The following ZNF765 variants were observed in gnomAD, a reference collection of about 807,000 sequenced individuals.
ZNF765 encodes the protein zinc finger protein 765.
Under a neutral mutation model 44.7 loss-of-function variants are expected in ZNF765, and 37 were observed. That is an observed-to-expected ratio of 0.83 (90% CI 0.64 to 1.09). ZNF765 has a LOEUF of 1.09. ZNF765 is among the 50% of genes least tolerant of loss of function. The pLI is 0.00. For synonymous variants in ZNF765, 201 were observed against 213.7 expected, an observed-to-expected ratio of 0.94 and a Z score of 0.52; for missense variants, 594 against 626.1, an observed-to-expected ratio of 0.95 and a Z score of 0.55.
At position 53,408,826 on chromosome 19, in the gene ZNF765, T is replaced by A; in HGVS notation, c.1271T>A (p.Leu424Ter). The change falls in exon 4 of 4, where the codon TTA (leucine) becomes TAA (stop). Residue 424 changes from leucine (L) to a stop codon, truncating the protein, a stop_gained. Coordinates refer to ENST00000396408, the MANE Select transcript of ZNF765 (RefSeq NM_001040185.3). LOFTEE classifies it high-confidence loss of function. ...TGTGGCAAGACCTTCAATCAGCAGTTAACCCTTAACATTTGTAGACTTCAT... is the reference window on the plus strand; with the variant it reads ...TGTGGCAAGACCTTCAATCAGCAGTAAACCCTTAACATTTGTAGACTTCAT... ...NECGKTFNQQLTLNICRLHSG... is the reference protein window; with the variant it reads ...NECGKTFNQQ 1 of 1,613,114 alleles carries A rather than the reference T, an allele frequency of 6.2e-7. No individual in the cohort carries two copies. The highest frequency in any genetic ancestry group is 8.5e-7 in the Non-Finnish European group (1 of 1,179,756).
Position 53,410,728 on chromosome 19 carries a change from C to T in ZNF765, c.*1601C>T, listed in dbSNP as rs767763234. 9.4e-6 allele frequency: 4 copies of T among 425,096 alleles called. No homozygotes were observed. Among genetic ancestry groups the T allele is most frequent in the Middle Eastern group, 3.7e-4 (1 of 2,718 alleles). 26.3% of individuals were successfully genotyped at this position (425,096 alleles called of 1,614,324 possible). A position where few individuals can be genotyped will look rare whatever the true frequency, so the allele number is the denominator to read the frequency against. On this transcript the variant is annotated 3_prime_UTR_variant, in exon 4 of 4. Coordinates refer to ENST00000396408, the MANE Select transcript of ZNF765 (RefSeq NM_001040185.3). ...ACATTGTTCATAACTTGCAGTTCAT[C>T]GGCGAACTCGTACTGGAGAGAAACC...
At chr19:53,416,963 G>A (rs992493357), downstream of ZNF765, among the ~76,000 whole-genome samples, 7 of 151,808 alleles carry the variant, frequency 4.6e-5, no homozygotes, top group Admixed American at 2.0e-4. Flanking sequence ...GATTACAGGC[G>A]CGCACCACCA....
intron 1 of ZNF765, among the ~76,000 whole-genome samples, chr19:53,397,091 G>T (rs1414316245): frequency 6.6e-6 from 1 of 152,202 alleles, no homozygotes; most frequent in African/African-American, 2.4e-5. Context: ...GAGGGACTCG[G>T]GAGTCTACTT....
chr19:53,409,784 A>C lies in ZNF765; in HGVS notation c.*657A>C, dbSNP rs2085816573. On this transcript the variant is annotated 3_prime_UTR_variant, in exon 4 of 4. Transcript: ENST00000396408. The stretch of plus-strand genomic sequence containing the variant: ...ACTTCATACTGGAGAGATACCTTAA[A>C]AGTGTAGTGAGTGTGGCAAGACCTT... 1.3e-6 allele frequency: 1 copy of C among 799,494 alleles called. No individual in the cohort carries two copies. Among genetic ancestry groups the C allele is most frequent in the Non-Finnish European group, 2.2e-6 (1 of 456,140 alleles). 49.5% of individuals were successfully genotyped at this position (799,494 alleles called of 1,614,324 possible).
At chr19:53,417,136 A>T (rs570923572) in intron 3 of ZNF765, among the ~76,000 whole-genome samples, 1 of 152,090 alleles carries the variant, frequency 6.6e-6, no homozygotes, top group Non-Finnish European at 1.5e-5. Flanking sequence ...TTCATTTTTA[A>T]AAGACTTTTA....
rs772634258 is a variant in ZNF765 at position 53,423,164 on chromosome 19, G to T, written c.*62G>T. The T allele has an allele frequency of 7.1e-6, 5 of 699,922 alleles. No homozygotes were observed. The South Asian group carries it at 7.5e-5, about 10-fold the overall frequency. The allele number at this position is 699,922 out of a possible 1,614,324, so 43.4% of individuals were successfully genotyped here. A position where few individuals can be genotyped will look rare whatever the true frequency, so the allele number is the denominator to read the frequency against. On this transcript the variant is annotated 3_prime_UTR_variant, in exon 4 of 4. Coordinates refer to the ZNF765 transcript ENST00000594030. ...CAGGTGGGCAGAGCTTAAAGGGAAC[G>T]CCCCCAAGCACGCTGGCTCCTGTGT...
rs775228107 is a variant in ZNF765 at position 53,408,448 on chromosome 19, C to T, written c.893C>T (p.Pro298Leu). 1.2e-6 allele frequency: 2 copies of T among 1,613,536 alleles called. No homozygotes were observed. Among genetic ancestry groups the T allele is most frequent in the East Asian group, 2.2e-5 (1 of 44,852 alleles). The part of the protein sequence containing the change: ...CHRRLHTGEK[P>L]YKCEECDKAF... ...CGTAGACTTCATACTGGAGAGAAAC[C>T]TTACAAATGTGAAGAATGTGACAAA... is the stretch of plus-strand genomic sequence containing the variant. The change falls in exon 4 of 4, where the codon CCT (proline) becomes CTT (leucine). Residue 298 changes from proline (P) to leucine (L), a missense_variant. By Grantham distance (98) the Pro-to-Leu change is moderately conservative. Around this residue, in one of 2 missense-constraint regions of ZNF765, gnomAD observed 567 missense variants for 572.6 expected, o/e 0.99. Coordinates refer to ENST00000396408, the MANE Select transcript of ZNF765 (RefSeq NM_001040185.3).
chr19:53,401,105 A>G (rs890914502), intron 2 of ZNF765, among the ~76,000 whole-genome samples: 3 of 151,946 alleles, frequency 2.0e-5, no homozygotes, highest in Non-Finnish European at 2.9e-5. Context: ...GGATCAAGCA[A>G]TTCTCCTGCA....
chr19:53,401,953 T>C (rs1401580469), intron 2 of ZNF765, 112 bp from the exon 3 acceptor site: 16 of 1,609,756 alleles, frequency 9.9e-6, no homozygotes, highest in East Asian at 2.2e-5. Context: ...TCAGATTTGT[T>C]AGAACATTCA....
chr19:53,396,288 G>C (rs7250077), intron 1 of ZNF765, among the ~76,000 whole-genome samples: 4 of 151,876 alleles, frequency 2.6e-5, no homozygotes, highest in Admixed American at 6.6e-5. Flanking sequence ...AGGGAGAGCA[G>C]AGGAGGCGCA....
intron 2 of ZNF765, among the ~76,000 whole-genome samples, chr19:53,399,989 A>AT (rs1166388845): frequency 6.6e-6 from 1 of 151,884 alleles, no homozygotes; most frequent in African/African-American, 2.4e-5. Context: ...TAATTTTTGT[A>AT]TTTTTAGTAG....
chr19:53,411,960 GAAGATC>G lies in ZNF765; in HGVS notation c.*2835_*2840del, dbSNP rs1568784163. The G allele has an allele frequency of 2.5e-5, 4 of 161,206 alleles. No individual in the cohort carries two copies. In the South Asian group the frequency reaches 6.2e-4, roughly 25 times the overall value. The allele number at this position is 161,206 out of a possible 1,614,324, so 10.0% of individuals were successfully genotyped here. A position where few individuals can be genotyped will look rare whatever the true frequency, so the allele number is the denominator to read the frequency against. On this transcript the variant is annotated 3_prime_UTR_variant, in exon 4 of 4. Coordinates refer to ENST00000396408, the MANE Select transcript of ZNF765 (RefSeq NM_001040185.3). ...TTGACTCTTTGTGATTTTCTGCACA[GAAGATC>G]ATGTCGTCTACAAACAAATATAATT...
chr19:53,408,053 G>T lies in ZNF765; in HGVS notation c.498G>T (p.Lys166Asn). Reference sequence around the variant, plus strand: ...AGAAAATTGATAATCAAGTTGTGAAGTCTATCCACGATGCTTCCTTGGTTT... The same window carrying T: ...AGAAAATTGATAATCAAGTTGTGAATTCTATCCACGATGCTTCCTTGGTTT... ...TEEKIDNQVV[K>N]SIHDASLVST... Residue 166 changes from lysine to asparagine, a missense_variant, in exon 4 of 4, where the codon AAG (lysine) becomes AAT (asparagine). Physicochemically the swap from Lys to Asn is moderately conservative, Grantham distance 94. This residue lies in a region of ZNF765 where 567 missense variants were observed against 572.6 expected (regional missense o/e 0.99). Transcript: ENST00000396408. 1 of 1,614,182 alleles carries T rather than the reference G, an allele frequency of 6.2e-7. No homozygotes were observed. Among genetic ancestry groups the T allele is most frequent in the African/African-American group, 1.3e-5 (1 of 75,042 alleles).
Position 53,397,953 on chromosome 19 carries a change from T to C in ZNF765, c.-63T>C. 1 of 1,608,308 alleles carries C rather than the reference T, an allele frequency of 6.2e-7. No homozygotes were observed. The highest frequency in any genetic ancestry group is 8.5e-7 in the Non-Finnish European group (1 of 1,178,760). ...ATTTCTAACATTCAGGATTGACTTC[T>C]AAAGACTCTTGGTATGTGAGGAAGA... On this transcript the variant is annotated 5_prime_UTR_variant, in exon 2 of 4. Coordinates refer to ENST00000396408, the MANE Select transcript of ZNF765 (RefSeq NM_001040185.3).
At chr19:53,406,960 C>A (rs1250983418) in intron 3 of ZNF765, among the ~76,000 whole-genome samples, 4 of 152,062 alleles carry the variant, frequency 2.6e-5, no homozygotes, top group African/African-American at 9.6e-5. Flanking sequence ...TCAAAATGTG[C>A]CTTTTCTGCA....
intron 3 of ZNF765, among the ~76,000 whole-genome samples, chr19:53,421,006 A>G (rs564857175): frequency 6.6e-6 from 1 of 152,284 alleles, no homozygotes; most frequent in Admixed American, 6.5e-5. Context: ...GATAAGAGGA[A>G]GGCATCTGTC....
intron 3 of ZNF765, among the ~76,000 whole-genome samples, chr19:53,417,468 T>C (rs2085882214): frequency 6.6e-6 from 1 of 152,214 alleles, no homozygotes; most frequent in Non-Finnish European, 1.5e-5. Flanking sequence ...CTCGTTCTTT[T>C]TTATGGCTGC....
chr19:53,403,063 T>C (rs2085743511), intron 3 of ZNF765, among the ~76,000 whole-genome samples: 1 of 151,514 alleles, frequency 6.6e-6, no homozygotes, highest in African/African-American at 2.4e-5. Context: ...TAATCCAGGC[T>C]GAGACAACAA....
chr19:53,420,418 A>G (rs1024143621), intron 3 of ZNF765, among the ~76,000 whole-genome samples: 2 of 152,198 alleles, frequency 1.3e-5, no homozygotes, highest in Non-Finnish European at 2.9e-5. Context: ...TGCCTTACAG[A>G]TTTAATTTTT....
Sources: gnomAD v4.1 joint callset for allele counts (sites outside exome capture counted in the v4.1 genomes callset) on GRCh38, gnomAD v4.1.1 for gene constraint, gnomAD v4.1.1 regional missense constraint, MANE v1.5 for transcripts, NCBI Gene and HGNC (gene_info 2026-07-23, HGNC 2026-07-21) for gene names.